COL24A1: variants seen among roughly 807,000 people sequenced by gnomAD.
COL24A1 encodes the protein collagen type XXIV alpha 1 chain, also known as collagen alpha-1(XXIV) chain.
Under a neutral mutation model 253.9 loss-of-function variants are expected in COL24A1, and 224 were observed. That is an observed-to-expected ratio of 0.88 (90% CI 0.79 to 0.99). The LOEUF is 0.99. Ranked by LOEUF, COL24A1 falls within the 50% of genes least tolerant of loss-of-function variation. COL24A1 has a pLI of 0.00. For missense variants in COL24A1, 2,131 were observed against 2,068.5 expected (o/e 1.03, Z -0.59); for synonymous variants, 685 against 673.7 (o/e 1.02, Z -0.26).
chr1:85,921,248 AAC>A (rs1461036167), intron 24 of COL24A1, among the ~76,000 whole-genome samples: 2 of 152,230 alleles, frequency 1.3e-5, no homozygotes, highest in African/African-American at 4.8e-5. Context: ...GCAGTTTTCC[AAC>A]AGTCTTAGCA....
chr1:85,756,714 A>G (rs1666300101), intron 55 of COL24A1, among the ~76,000 whole-genome samples: 2 of 150,988 alleles, frequency 1.3e-5, no homozygotes, highest in East Asian at 2.0e-4. Context: ...ATTTCTAGGT[A>G]TATACCCAAA....
rs1222978370 is a variant in COL24A1, at chr1:86,125,866, CTG to C, written c.468_469del (p.Tyr156Ter). Reference sequence around the variant, plus strand: ...TGAGTGCCATTGCTCATCATGAACACTGTAGTTGAAAACTGCAGGCTGCTTTC... The same window carrying C: ...TGAGTGCCATTGCTCATCATGAACACTAGTTGAAAACTGCAGGCTGCTTTC... On this transcript the variant is annotated stop_gained and frameshift_variant, in exon 3 of 60. Transcript: ENST00000370571. LOFTEE classifies it high-confidence loss of function. 1 of 1,613,176 alleles carries C rather than the reference CTG, an allele frequency of 6.2e-7. No individual in the cohort carries two copies. The highest frequency in any genetic ancestry group is 1.3e-5 in the African/African-American group (1 of 74,850).
intron 24 of COL24A1, among the ~76,000 whole-genome samples, chr1:85,944,434 C>T (rs1689045786): frequency 6.6e-6 from 1 of 152,082 alleles, no homozygotes; most frequent in African/African-American, 2.4e-5. Context: ...TTCTCAAATA[C>T]AGCTTATTTT....
intron 48 of COL24A1, among the ~76,000 whole-genome samples, chr1:85,785,039 T>C (rs779128091): frequency 6.6e-6 from 1 of 152,144 alleles, no homozygotes; most frequent in Non-Finnish European, 1.5e-5. Context: ...CCAGAACTTG[T>C]ATTTTGAATT....
chr1:85,988,535 T>C (rs1693941106), intron 19 of COL24A1, among the ~76,000 whole-genome samples: 2 of 152,078 alleles, frequency 1.3e-5, no homozygotes, highest in Non-Finnish European at 1.5e-5. Flanking sequence ...CTAGTAATTG[T>C]GGTTTCATTT....
At chr1:86,054,776 C>T (rs1700553474) in intron 10 of COL24A1, among the ~76,000 whole-genome samples, 2 of 152,168 alleles carry the variant, frequency 1.3e-5, no homozygotes, top group Admixed American at 1.3e-4. Flanking sequence ...TTTGACCCAG[C>T]AATCTCATTA....
At chr1:85,827,994 G>A (rs1301596218) in intron 43 of COL24A1, among the ~76,000 whole-genome samples, 1 of 151,986 alleles carries the variant, frequency 6.6e-6, no homozygotes, top group Non-Finnish European at 1.5e-5. Flanking sequence ...TGCTTTTCTA[G>A]TTCTTTTAAT....
chr1:85,969,221 C>T (rs1049593735), intron 22 of COL24A1, among the ~76,000 whole-genome samples: 4 of 151,496 alleles, frequency 2.6e-5, no homozygotes, highest in Non-Finnish European at 5.9e-5. Context: ...TCTTTTTTTT[C>T]CCCCAATGGG....
chr1:85,969,307 T>C (rs960442245), intron 22 of COL24A1, among the ~76,000 whole-genome samples: 6 of 152,016 alleles, frequency 3.9e-5, no homozygotes, highest in African/African-American at 1.4e-4. Context: ...AAAAGCATTT[T>C]AAGAACCAGT....
At chr1:85,988,491 A>G (rs1019986672) in intron 19 of COL24A1, among the ~76,000 whole-genome samples, 10 of 152,080 alleles carry the variant, frequency 6.6e-5, no homozygotes, top group African/African-American at 2.4e-4. Flanking sequence ...TTAGAGTGTG[A>G]TTCATCAAAT....
chr1:85,941,846 A>G (rs983777928), intron 24 of COL24A1, among the ~76,000 whole-genome samples: 1 of 152,154 alleles, frequency 6.6e-6, no homozygotes, highest in Non-Finnish European at 1.5e-5. Flanking sequence ...TTTTGAGTGT[A>G]GGGGCTGTGC....
chr1:86,140,354 C>T (rs150760976), intron 2 of COL24A1, among the ~76,000 whole-genome samples: 1 of 152,166 alleles, frequency 6.6e-6, no homozygotes, highest in Non-Finnish European at 1.5e-5. Flanking sequence ...GCAATCGTTT[C>T]TTAGAAGTAT....
rs566500184 is a variant in COL24A1 at position 85,730,528 on chromosome 1, G to A, written c.*18C>T. The A allele has an allele frequency of 1.7e-5, 27 of 1,610,380 alleles. No homozygotes were observed. Among genetic ancestry groups the A allele is most frequent in the African/African-American group, 1.6e-4 (12 of 74,936 alleles). On this transcript the variant is annotated 3_prime_UTR_variant, in exon 60 of 60. Transcript: ENST00000370571. ...ATTACCTGGCCAACAGCCTGAATTCGGAACTAATTCAGAGACTTTACAGAA... is the reference window on the plus strand; with the variant it reads ...ATTACCTGGCCAACAGCCTGAATTCAGAACTAATTCAGAGACTTTACAGAA...
intron 47 of COL24A1, among the ~76,000 whole-genome samples, chr1:85,807,118 A>G (rs1195162027): frequency 6.6e-6 from 1 of 152,182 alleles, no homozygotes; most frequent in Non-Finnish European, 1.5e-5. Flanking sequence ...GCCCCTACTC[A>G]AGTGCCTGGG....
intron 5 of COL24A1, among the ~76,000 whole-genome samples, chr1:86,103,476 G>T (rs1469918128): frequency 2.0e-5 from 3 of 152,124 alleles, no homozygotes; most frequent in Non-Finnish European, 2.9e-5. Context: ...AAGTGTCACT[G>T]GTCTGTGTAC....
chr1:86,037,600 C>A (rs1388710114), intron 12 of COL24A1, among the ~76,000 whole-genome samples: 2 of 152,228 alleles, frequency 1.3e-5, no homozygotes, highest in South Asian at 4.2e-4. Flanking sequence ...ATGAACTTTA[C>A]CCCAGTCAAG....
At chr1:85,893,251 A>G (rs1042635467) in intron 31 of COL24A1, among the ~76,000 whole-genome samples, 4 of 152,024 alleles carry the variant, frequency 2.6e-5, no homozygotes, top group Non-Finnish European at 5.9e-5. Context: ...AAATAGTATT[A>G]CCAGGAGTAA....
At chr1:85,925,455 G>C (rs1207965340) in intron 24 of COL24A1, among the ~76,000 whole-genome samples, 1 of 152,074 alleles carries the variant, frequency 6.6e-6, no homozygotes, top group South Asian at 2.1e-4. Context: ...AAACAGCATG[G>C]TACTGTTACC....
intron 2 of COL24A1, among the ~76,000 whole-genome samples, chr1:86,131,372 T>C (rs956759464): frequency 3.3e-5 from 5 of 152,124 alleles, no homozygotes; most frequent in Non-Finnish European, 5.9e-5. Flanking sequence ...TTTTCTTTTT[T>C]ATATATATAC....
Sources: allele counts gnomAD v4.1 joint callset (sites outside exome capture counted in the v4.1 genomes callset), GRCh38; gene constraint gnomAD v4.1.1; transcripts MANE v1.5; gene names NCBI Gene and HGNC (gene_info 2026-07-23, HGNC 2026-07-21).